TMEM232: variants seen among roughly 807,000 people sequenced by gnomAD.
The protein encoded by TMEM232 is transmembrane protein 232.
Under a neutral mutation model 78.8 loss-of-function variants are expected in TMEM232, and 80 were observed. The observed-to-expected ratio is 1.01, with a 90% confidence interval of 0.85 to 1.22. The LOEUF is 1.22. TMEM232 is among the 50% of genes most tolerant of loss of function. The probability of loss-of-function intolerance (pLI) is 0.00; values close to 1 mark genes in which losing one functional copy is unlikely to be tolerated. For synonymous variants in TMEM232, 297 were observed against 254.3 expected (o/e 1.17, Z -1.60); for missense variants, 881 against 742.2 (o/e 1.19, Z -2.17).
intron 2 of TMEM232, among the ~76,000 whole-genome samples, chr5:110,661,503 G>A (rs1789794422): frequency 6.6e-6 from 1 of 151,948 alleles, no homozygotes; most frequent in Non-Finnish European, 1.5e-5. Context: ...TGTAGAGGCG[G>A]GTTTTGCCAT....
At chr5:110,558,130 T>C (rs1581207003) in intron 11 of TMEM232, among the ~76,000 whole-genome samples, 1 of 152,122 alleles carries the variant, frequency 6.6e-6, no homozygotes, top group East Asian at 1.9e-4. Context: ...ATGCCTTTGT[T>C]CTCTAGCTAC....
intron 12 of TMEM232, among the ~76,000 whole-genome samples, chr5:110,447,173 A>C (rs1335746487): frequency 6.6e-6 from 1 of 151,346 alleles, no homozygotes; most frequent in Non-Finnish European, 1.5e-5. Context: ...ATTTATAATT[A>C]GCTTTTGCAG....
chr5:110,587,166 G>A (rs577677055), intron 10 of TMEM232, among the ~76,000 whole-genome samples: 1 of 152,128 alleles, frequency 6.6e-6, no homozygotes, highest in African/African-American at 2.4e-5. Context: ...CATTATATAT[G>A]TATGTGTGTG....
At chr5:110,490,739 T>A (rs947981205) in intron 12 of TMEM232, among the ~76,000 whole-genome samples, 1 of 152,034 alleles carries the variant, frequency 6.6e-6, no homozygotes, top group African/African-American at 2.4e-5. Context: ...AATATAAAAT[T>A]CAATAAATAG....
chr5:110,551,156 G>C (rs1446780095), intron 11 of TMEM232, among the ~76,000 whole-genome samples: 2 of 152,248 alleles, frequency 1.3e-5, no homozygotes, highest in South Asian at 2.1e-4. Flanking sequence ...CACTTACTCA[G>C]TGAAATGTGT....
chr5:110,411,369 T>C (rs311718), intron 2 of TMEM232, among the ~76,000 whole-genome samples: 42,574 of 152,140 alleles, frequency 0.28, 9,908 homozygotes, highest in African/African-American at 0.63. Flanking sequence ...ATTTTTTCCA[T>C]CAATAAGGAT....
intron 12 of TMEM232, among the ~76,000 whole-genome samples, chr5:110,515,922 C>G (rs1768559472): frequency 6.6e-6 from 1 of 152,144 alleles, no homozygotes; most frequent in Non-Finnish European, 1.5e-5. Flanking sequence ...CTTCCAGGTG[C>G]TAGTTTGATG....
At chr5:110,497,149 A>G (rs1376689078) in intron 12 of TMEM232, among the ~76,000 whole-genome samples, 1 of 152,090 alleles carries the variant, frequency 6.6e-6, no homozygotes, top group Non-Finnish European at 1.5e-5. Flanking sequence ...GACACTTTAA[A>G]AAAACCTTAT....
chr5:110,420,739 C>A lies in TMEM232; in HGVS notation c.1815G>T (p.Lys605Asn), dbSNP rs777779518. 18 of 1,521,310 alleles carry A rather than the reference C, an allele frequency of 1.2e-5. 1 individual carries two copies. The South Asian group carries it at 2.2e-4, about 19-fold the overall frequency. 94.2% of individuals were successfully genotyped at this position (1,521,310 alleles called of 1,614,324 possible). The stretch of plus-strand genomic sequence containing the variant: ...ATATTGCATCTTCTTTTTCTCGGAT[C>A]TTTAGCTCTTCCTGCCACTGTTACA... ...IIDHHWQEEL[K>N]IREKEDAICK... The change falls in exon 14 of 14, where the codon AAG (lysine) becomes AAT (asparagine). Residue 605 changes from lysine (K) to asparagine (N), a missense_variant. Lys to Asn is a moderately conservative substitution (Grantham distance 94). Transcript: ENST00000455884.
At chr5:110,733,633 G>A (rs966044117) in intron 2 of TMEM232, among the ~76,000 whole-genome samples, 3 of 152,120 alleles carry the variant, frequency 2.0e-5, no homozygotes, top group African/African-American at 7.2e-5. Flanking sequence ...GCTAAATGAT[G>A]AGAACACAGA....
At chr5:110,595,143 G>A (rs1261872147) in intron 10 of TMEM232, among the ~76,000 whole-genome samples, 1 of 152,166 alleles carries the variant, frequency 6.6e-6, no homozygotes, top group African/African-American at 2.4e-5. Context: ...GGTCTGGAGT[G>A]GACCTCCAGC....
At chr5:110,404,331 T>C (rs1755709995) in intron 2 of TMEM232, among the ~76,000 whole-genome samples, 1 of 152,084 alleles carries the variant, frequency 6.6e-6, no homozygotes, top group Non-Finnish European at 1.5e-5. Context: ...TCTATTTCTG[T>C]TTCCTGTGTA....
At chr5:110,661,121 A>T (rs1016350552) in intron 2 of TMEM232, among the ~76,000 whole-genome samples, 2 of 152,214 alleles carry the variant, frequency 1.3e-5, no homozygotes, top group Admixed American at 1.3e-4. Context: ...TTTACTTAAC[A>T]TAATGTCTTC....
intron 12 of TMEM232, among the ~76,000 whole-genome samples, chr5:110,451,565 A>G (rs975400692): frequency 6.6e-6 from 1 of 152,086 alleles, no homozygotes; most frequent in African/African-American, 2.4e-5. Context: ...TAACATTTCC[A>G]CAATCTTTTG....
intron 12 of TMEM232, among the ~76,000 whole-genome samples, chr5:110,511,702 G>T (rs1040319083): frequency 6.6e-6 from 1 of 152,110 alleles, no homozygotes; most frequent in Non-Finnish European, 1.5e-5. Flanking sequence ...GTTTAGAGAA[G>T]TTAACTTACC....
intron 2 of TMEM232, among the ~76,000 whole-genome samples, chr5:110,411,272 T>C (rs1253557470): frequency 6.6e-6 from 1 of 152,116 alleles, no homozygotes; most frequent in Non-Finnish European, 1.5e-5. Flanking sequence ...GTATTGGAGC[T>C]CTCTCCCATA....
chr5:110,399,523 C>T (rs1198173350), intron 2 of TMEM232, among the ~76,000 whole-genome samples: 1 of 152,064 alleles, frequency 6.6e-6, no homozygotes, highest in East Asian at 1.9e-4. Context: ...GCCTTCCTCT[C>T]ACAATAACTG....
At chr5:110,476,045 T>C (rs1763220188) in intron 12 of TMEM232, among the ~76,000 whole-genome samples, 1 of 152,042 alleles carries the variant, frequency 6.6e-6, no homozygotes. Flanking sequence ...TTACTAACTC[T>C]GTAGGTATTG....
intron 5 of TMEM232, among the ~76,000 whole-genome samples, chr5:110,628,731 G>T (rs149732502): frequency 6.6e-6 from 1 of 150,644 alleles, no homozygotes; most frequent in Non-Finnish European, 1.5e-5. Flanking sequence ...GCAATGCAGG[G>T]TATCATGTAA....
Sources: gnomAD v4.1 joint callset for allele counts (sites outside exome capture counted in the v4.1 genomes callset) on GRCh38, gnomAD v4.1.1 for gene constraint, MANE v1.5 for transcripts, NCBI Gene and HGNC (gene_info 2026-07-23, HGNC 2026-07-21) for gene names.